The following RFTN2 variants were observed in gnomAD, a reference collection of about 807,000 sequenced individuals.
The protein encoded by RFTN2 is raftlin family member 2.
Under a neutral mutation model 52.7 loss-of-function variants are expected in RFTN2, and 34 were observed. That is an observed-to-expected ratio of 0.64 (90% CI 0.49 to 0.86). RFTN2 has a LOEUF of 0.86. RFTN2 is among the 40% of genes least tolerant of loss of function. RFTN2 has a pLI of 0.00. For missense variants in RFTN2, 536 were observed against 600.1 expected (o/e 0.89, Z 1.12); for synonymous variants, 203 against 217.7 (o/e 0.93, Z 0.59).
chr2:197,579,920 C>T (rs1014740042), intron 8 of RFTN2, among the ~76,000 whole-genome samples: 18 of 152,236 alleles, frequency 1.2e-4, no homozygotes, highest in African/African-American at 4.1e-4. Context: ...CCCCTACCTG[C>T]CCAACAATTT....
intron 1 of RFTN2, among the ~76,000 whole-genome samples, chr2:197,661,846 A>G (rs979810017): frequency 6.6e-6 from 1 of 152,146 alleles, no homozygotes; most frequent in Non-Finnish European, 1.5e-5. Flanking sequence ...CTGGGGTGAG[A>G]TAACATCTCA....
chr2:197,649,951 C>G lies in RFTN2; in HGVS notation c.140-3285G>C, dbSNP rs765828704. Reference sequence around the variant, plus strand: ...ATTTTATTTTAGCTCCATAATACCCCCTTCACTACCCAATTAAATGTCATT... The same window carrying G: ...ATTTTATTTTAGCTCCATAATACCCGCTTCACTACCCAATTAAATGTCATT... On this transcript the variant is annotated intron_variant, in intron 1 of 8. Coordinates refer to ENST00000295049, the MANE Select transcript of RFTN2 (RefSeq NM_144629.3). Among the ~76,000 whole-genome samples the G allele has an allele frequency of 6.0e-4, 91 of 152,214 alleles. 1 individual carries two copies. Among genetic ancestry groups the G allele is most frequent in the Middle Eastern group, 3.4e-3 (1 of 294 alleles).
At chr2:197,593,099 AT>A (rs1159191550) in intron 8 of RFTN2, among the ~76,000 whole-genome samples, 1 of 152,222 alleles carries the variant, frequency 6.6e-6, no homozygotes, top group African/African-American at 2.4e-5. Context: ...AAGTTATAAA[AT>A]ATATTATTAT....
rs549235267 is a variant in RFTN2, at chr2:197,618,064, C to A, written c.929-143G>T. On this transcript the variant is annotated intron_variant, in intron 5 of 8. Coordinates refer to ENST00000295049, the MANE Select transcript of RFTN2 (RefSeq NM_144629.3). ...CATTTGTTGCCCCCTCCCCCTCCCC[C>A]TCTCCCTCTCCCTCTCCCTCTCCCC... 5.1e-5 allele frequency: 17 copies of A among 336,256 alleles called. No homozygotes were observed. The East Asian group carries it at 1.0e-3, about 20-fold the overall frequency. 20.8% of individuals were successfully genotyped at this position (336,256 alleles called of 1,614,324 possible).
chr2:197,609,039 G>T (rs1439862572), intron 7 of RFTN2, among the ~76,000 whole-genome samples: 1 of 152,090 alleles, frequency 6.6e-6, no homozygotes, highest in African/African-American at 2.4e-5. Context: ...ATCATTAATG[G>T]GCATTTGGGT....
intron 8 of RFTN2, among the ~76,000 whole-genome samples, chr2:197,590,667 G>A (rs1056768345): frequency 2.0e-5 from 3 of 152,154 alleles, no homozygotes; most frequent in African/African-American, 7.2e-5. Context: ...GTGTTTGGAT[G>A]TGTTCGGAGT....
chr2:197,640,990 C>A (rs934504539), intron 3 of RFTN2, among the ~76,000 whole-genome samples: 4 of 152,128 alleles, frequency 2.6e-5, no homozygotes, highest in Non-Finnish European at 5.9e-5. Flanking sequence ...CATAGGTGCT[C>A]TATAAGTACT....
At chr2:197,653,480 C>A (rs192819501) in intron 1 of RFTN2, among the ~76,000 whole-genome samples, 38 of 152,062 alleles carry the variant, frequency 2.5e-4, no homozygotes, top group Non-Finnish European at 4.7e-4. Context: ...GGAATACTCC[C>A]CCAAACTGCA....
chr2:197,637,997 T>C (rs200103378), intron 3 of RFTN2, among the ~76,000 whole-genome samples: 101,958 of 146,938 alleles, frequency 0.69, 36,021 homozygotes, highest in Middle Eastern at 0.86. Context: ...TCGTTATGTA[T>C]CCAGTAGTCA....
chr2:197,575,944 C>T (rs2087411627), intron 8 of RFTN2, among the ~76,000 whole-genome samples: 1 of 136,480 alleles, frequency 7.3e-6, no homozygotes, highest in African/African-American at 2.7e-5. Flanking sequence ...AGGGAAAGCA[C>T]AACAAGGAGA....
At chr2:197,670,670 G>A (rs760468761) in intron 1 of RFTN2, among the ~76,000 whole-genome samples, 16 of 151,774 alleles carry the variant, frequency 1.1e-4, no homozygotes, top group Non-Finnish European at 1.3e-4. Context: ...GTGAGACCCT[G>A]TCTCAAAAAA....
intron 5 of RFTN2, among the ~76,000 whole-genome samples, chr2:197,629,387 C>T (rs61541724): frequency 0.71 from 107,441 of 151,760 alleles, 38,730 homozygotes; most frequent in Middle Eastern, 0.86. Context: ...TAGGTGGGAA[C>T]TGAACAATGA....
intron 8 of RFTN2, among the ~76,000 whole-genome samples, chr2:197,575,879 T>TTATATATAA (rs542312822): frequency 7.7e-6 from 1 of 130,412 alleles, no homozygotes; most frequent in African/African-American, 2.8e-5. Context: ...ATATTATATA[T>TTATATATAA]TATATATAAT....
chr2:197,614,141 C>T (rs775490598), intron 7 of RFTN2, among the ~76,000 whole-genome samples: 3 of 152,204 alleles, frequency 2.0e-5, no homozygotes, highest in Non-Finnish European at 2.9e-5. Context: ...ATGTAAGTCC[C>T]TTGTTTTGTA....
At chr2:197,637,433 A>G (rs1368049203) in intron 3 of RFTN2, among the ~76,000 whole-genome samples, 2 of 151,494 alleles carry the variant, frequency 1.3e-5, no homozygotes, top group Non-Finnish European at 3.0e-5. Flanking sequence ...TTATTGGTCT[A>G]TTCAGAGATT....
rs55804577 is a variant in RFTN2, at chr2:197,659,477, TAAAAAAA to T, written c.140-12818_140-12812del. 4.2e-5 allele frequency among the ~76,000 whole-genome samples: 4 copies of T among 94,716 alleles called. No homozygotes were observed. The South Asian group carries it at 1.1e-3, about 25-fold the overall frequency. The allele number at this position is 94,716 out of a possible 152,430, so 62.1% of individuals were successfully genotyped here. On this transcript the variant is annotated intron_variant, in intron 1 of 8. Coordinates refer to ENST00000295049, the MANE Select transcript of RFTN2 (RefSeq NM_144629.3). ...GGCAACAGAGCAAGACTCCATCTCA[TAAAAAAA>T]AAAAAAAAAAAAAAAGAAATATTAT... is the stretch of plus-strand genomic sequence containing the variant.
chr2:197,584,550 C>T (rs1006493141), intron 8 of RFTN2, among the ~76,000 whole-genome samples: 9 of 152,260 alleles, frequency 5.9e-5, no homozygotes, highest in East Asian at 3.9e-4. Context: ...TTTTCTCCCA[C>T]TCTGTAGGTT....
In RFTN2 at chr2:197,644,244, G is replaced by T. The variant is rs1294140032; in HGVS notation, c.352C>A (p.Gln118Lys). 1.2e-6 allele frequency: 2 copies of T among 1,611,264 alleles called. No individual in the cohort carries two copies. Among genetic ancestry groups the T allele is most frequent in the Admixed American group, 3.3e-5 (2 of 59,994 alleles). ...SPKNSAAPSG[Q>K]RRPRLVIEEC... ...TCAATCACGAGCCTTGGGCGTCTTT[G>T]TCCACTGGGTGCTGCCGAATTCTTT... Residue 118 changes from glutamine (Q) to lysine (K), a missense_variant, in exon 3 of 9, where the codon CAA becomes AAA. Coordinates refer to ENST00000295049, the MANE Select transcript of RFTN2 (RefSeq NM_144629.3).
At chr2:197,618,633 G>C (rs1214451838) in intron 5 of RFTN2, among the ~76,000 whole-genome samples, 3 of 151,766 alleles carry the variant, frequency 2.0e-5, no homozygotes, top group Admixed American at 6.6e-5. Context: ...TCCCATCTAG[G>C]AAGTGAGGAG....
Sources: gnomAD v4.1 joint callset for allele counts (sites outside exome capture counted in the v4.1 genomes callset) on GRCh38, gnomAD v4.1.1 for gene constraint, MANE v1.5 for transcripts, NCBI Gene and HGNC (gene_info 2026-07-23, HGNC 2026-07-21) for gene names.